ATXN2: variants seen among roughly 807,000 people sequenced by gnomAD.
ATXN2 encodes ataxin-2.
ATXN2 carries 37 observed loss-of-function variants against 138.6 expected under a neutral mutation model. The observed-to-expected ratio is 0.27, with a 90% CI of 0.21 to 0.35. The LOEUF is 0.35. Among genes scored for constraint, ATXN2 ranks in the 10% least tolerant of loss-of-function variants. The probability of loss-of-function intolerance (pLI) is 1.00; values close to 1 mark genes in which losing one functional copy is unlikely to be tolerated. For missense variants in ATXN2, 1,216 were observed against 1,480.3 expected (o/e 0.82, Z 2.93); for synonymous variants, 549 against 543.7 (o/e 1.01, Z -0.13).
Position 111,598,843 on chromosome 12 carries a change from G to C in ATXN2, c.192C>G (p.Ala64=), listed in dbSNP as rs2135862568. 3 of 1,471,838 alleles carry C rather than the reference G, an allele frequency of 2.0e-6. No homozygotes were observed. The highest frequency in any genetic ancestry group is 5.9e-5 in the East Asian group (2 of 33,670). 91.2% of individuals were successfully genotyped at this position (1,471,838 alleles called of 1,614,324 possible). The change falls in exon 1 of 25, where the codon GCC becomes GCG. Residue 64 remains alanine (A), a synonymous_variant. Coordinates refer to ENST00000673436, the MANE Select transcript of ATXN2 (RefSeq NM_001372574.1). The surrounding 1 kb of genome is among the most constrained non-coding windows in gnomAD (Gnocchi z 4.5). ...PSSSSVSSSS[A]TAPSSVVAAT... ...CCGCGACCACCGAGGAGGGAGCCGTGGCCGAGGACGAGGAGACCGAGGACG... is the reference window on the plus strand; with the variant it reads ...CCGCGACCACCGAGGAGGGAGCCGTCGCCGAGGACGAGGAGACCGAGGACG...
intron 5 of ATXN2, among the ~76,000 whole-genome samples, chr12:111,532,855 A>G (rs1313386954): frequency 7.1e-6 from 1 of 141,396 alleles, no homozygotes; most frequent in East Asian, 2.1e-4. Context: ...GGTTTAAGGA[A>G]AAAAAAAAAA....
chr12:111,537,268 C>T (rs1039125677), intron 5 of ATXN2, among the ~76,000 whole-genome samples: 1 of 152,010 alleles, frequency 6.6e-6, no homozygotes, highest in Non-Finnish European at 1.5e-5. Flanking sequence ...ATGGAAGAAA[C>T]ATACTAAGTG....
chr12:111,470,360 A>G, intron 19 of ATXN2, 120 bp from the exon 20 acceptor site: 8 of 1,316,850 alleles, frequency 6.1e-6, no homozygotes, highest in Non-Finnish European at 8.3e-6. Flanking sequence ...TAAACTCTCA[A>G]ATCTTTCTTG....
chr12:111,552,010 TA>T lies in ATXN2; in HGVS notation c.571+269del, dbSNP rs1365601187. On this transcript the variant is annotated intron_variant, in intron 5 of 24. Transcript: ENST00000673436. The surrounding 1 kb of genome is among the most constrained non-coding windows in gnomAD (Gnocchi z 4.1). ...ATTCTGTCTCAGCCTCCCTAGTAGCTAGGACTATAGGCGCACGCCACCACAC... is the reference window on the plus strand; with the variant it reads ...ATTCTGTCTCAGCCTCCCTAGTAGCTGGACTATAGGCGCACGCCACCACAC... Among the ~76,000 whole-genome samples the T allele has an allele frequency of 6.6e-6, 1 of 152,068 alleles. No homozygotes were observed. Among genetic ancestry groups the T allele is most frequent in the African/African-American group, 2.4e-5 (1 of 41,378 alleles).
chr12:111,476,791 TTAAGA>T (rs1397836653), intron 18 of ATXN2, among the ~76,000 whole-genome samples: 3 of 152,310 alleles, frequency 2.0e-5, no homozygotes, highest in East Asian at 1.9e-4. Flanking sequence ...TTCCATATTG[TTAAGA>T]TATTTCTCCC....
rs1017257817 is a variant in ATXN2, at chr12:111,540,024, C to A, written c.571+12256G>T. 2.0e-5 allele frequency among the ~76,000 whole-genome samples: 3 copies of A among 150,122 alleles called. 1 individual carries two copies. Among genetic ancestry groups the A allele is most frequent in the Non-Finnish European group, 4.5e-5 (3 of 67,026 alleles). On this transcript the variant is annotated intron_variant, in intron 5 of 24. Coordinates refer to ENST00000673436, the MANE Select transcript of ATXN2 (RefSeq NM_001372574.1). ...ACAAATATCTTTTCTGTTTCCCTGGCAAATATGTAAAACATTTTATAGATT... is the reference window on the plus strand; with the variant it reads ...ACAAATATCTTTTCTGTTTCCCTGGAAAATATGTAAAACATTTTATAGATT...
At chr12:111,465,245 T>C (rs999130764) in intron 20 of ATXN2, among the ~76,000 whole-genome samples, 2 of 151,910 alleles carry the variant, frequency 1.3e-5, no homozygotes, top group Non-Finnish European at 2.9e-5. Context: ...AGGATACACA[T>C]CAAAATGTTA....
intron 1 of ATXN2, among the ~76,000 whole-genome samples, chr12:111,576,682 A>G (rs1043933253): frequency 3.3e-5 from 5 of 151,702 alleles, no homozygotes; most frequent in Non-Finnish European, 5.9e-5. Flanking sequence ...AGGGTAGGCC[A>G]GGTGTGGTGG....
intron 18 of ATXN2, among the ~76,000 whole-genome samples, chr12:111,479,578 T>C (rs908413898): frequency 3.9e-5 from 6 of 151,994 alleles, no homozygotes; most frequent in African/African-American, 1.5e-4. Context: ...GATACTAACA[T>C]GAAATTCAAA....
At chr12:111,580,249 G>A (rs2135828310) in intron 1 of ATXN2, among the ~76,000 whole-genome samples, 1 of 152,146 alleles carries the variant, frequency 6.6e-6, no homozygotes, top group East Asian at 1.9e-4. Context: ...GGGAGGCCAA[G>A]GCAAGAGTTT....
chr12:111,470,427 G>A, intron 19 of ATXN2, 131 bp downstream of exon 19: 2 of 1,174,962 alleles, frequency 1.7e-6, no homozygotes, highest in East Asian at 2.5e-5. Context: ...ATATTGAAAA[G>A]GGTCCCCAAG....
intron 5 of ATXN2, among the ~76,000 whole-genome samples, chr12:111,534,562 T>C (rs1881037413): frequency 6.6e-6 from 1 of 151,704 alleles, no homozygotes; most frequent in South Asian, 2.1e-4. Context: ...TCCAGAAAAG[T>C]TTAATGCATT....
intron 1 of ATXN2, among the ~76,000 whole-genome samples, chr12:111,562,260 C>G (rs900144572): frequency 6.6e-6 from 1 of 152,028 alleles, no homozygotes; most frequent in South Asian, 2.1e-4. Context: ...TTCGCAAGAC[C>G]CCATCTCTAA....
intron 2 of ATXN2, among the ~76,000 whole-genome samples, chr12:111,554,883 G>A (rs1404095785): frequency 6.6e-6 from 1 of 152,176 alleles, no homozygotes; most frequent in Non-Finnish European, 1.5e-5. Flanking sequence ...GAAGAACCCT[G>A]ACTAGGTTCT....
At chr12:111,599,446 G>A, upstream of ATXN2, 1 of 1,200,124 alleles carries the variant, frequency 8.3e-7, no homozygotes, top group Admixed American at 4.5e-5. Context: ...CGGGCCACCT[G>A]GCTGCGGCGA....
intron 21 of ATXN2, among the ~76,000 whole-genome samples, chr12:111,459,465 G>A (rs1043453705): frequency 1.3e-5 from 2 of 152,208 alleles, no homozygotes; most frequent in Admixed American, 6.5e-5. Context: ...ATTTTTGACA[G>A]AGTCTCGCTC....
chr12:111,508,709 A>G (rs1879331500), intron 14 of ATXN2, among the ~76,000 whole-genome samples: 1 of 152,104 alleles, frequency 6.6e-6, no homozygotes, highest in African/African-American at 2.4e-5. Flanking sequence ...GGCCTCCCAA[A>G]GTGCTAGGAT....
intron 14 of ATXN2, among the ~76,000 whole-genome samples, chr12:111,490,487 C>T (rs1275687418): frequency 1.3e-5 from 2 of 152,016 alleles, no homozygotes; most frequent in East Asian, 1.9e-4. Context: ...CCTGACTGTA[C>T]ATATTGGTCA....
In ATXN2 at chr12:111,456,009, T is replaced by C. The variant is rs758813321; in HGVS notation, c.3270+20A>G. 5 of 1,608,950 alleles carry C rather than the reference T, an allele frequency of 3.1e-6. No individual in the cohort carries two copies. Among genetic ancestry groups the C allele is most frequent in the Non-Finnish European group, 4.3e-6 (5 of 1,175,236 alleles). On this transcript the variant is annotated intron_variant, in intron 23 of 24. Coordinates refer to ENST00000673436, the MANE Select transcript of ATXN2 (RefSeq NM_001372574.1). ...CATTCTACTTGGCCTTCACAGAAAG[T>C]TGGCTAAAGCTGGTATTACCTGAGG...
Sources: gnomAD v4.1 joint callset for allele counts (sites outside exome capture counted in the v4.1 genomes callset) on GRCh38, gnomAD v4.1.1 for gene constraint, Gnocchi (gnomAD v3.1) non-coding constraint, MANE v1.5 for transcripts, NCBI Gene and HGNC (gene_info 2026-07-23, HGNC 2026-07-21) for gene names.